The following PCDH9 variants were observed in gnomAD, a reference collection of about 807,000 sequenced individuals.
The protein encoded by PCDH9 is protocadherin 9, also known as protocadherin-9.
In PCDH9, 24 loss-of-function variants were observed where a neutral mutation model predicts 70.6. That is an observed-to-expected ratio of 0.34 (90% CI 0.25 to 0.48). PCDH9 has a LOEUF of 0.48. Among genes scored for constraint, PCDH9 ranks in the 20% least tolerant of loss-of-function variants. The pLI is 0.99. For synonymous variants in PCDH9, 562 were observed against 558.5 expected (o/e 1.01, Z -0.09); for missense variants, 1,281 against 1,503.6 (o/e 0.85, Z 2.45).
intron 2 of PCDH9, among the ~76,000 whole-genome samples, chr13:66,997,916 T>A (rs1213478927): frequency 6.6e-6 from 1 of 152,142 alleles, no homozygotes; most frequent in African/African-American, 2.4e-5. Context: ...AAATAAAAAT[T>A]CTGGGCCAGG....
chr13:66,742,879 C>T (rs1593990841), intron 3 of PCDH9, among the ~76,000 whole-genome samples: 1 of 139,684 alleles, frequency 7.2e-6, no homozygotes, highest in South Asian at 2.5e-4. Flanking sequence ...AATAGGAACA[C>T]TTTTACACTG....
chr13:66,361,029 T>C (rs1371329675), intron 4 of PCDH9, among the ~76,000 whole-genome samples: 1 of 152,248 alleles, frequency 6.6e-6, no homozygotes, highest in Non-Finnish European at 1.5e-5. Context: ...AGTGCTCTTA[T>C]ATAGCCCAAT....
rs1214849829 is a variant in PCDH9 at position 67,226,688 on chromosome 13, G to A, written c.1753C>T (p.Leu585=). The change falls in exon 2 of 5, where the codon CTG becomes TTG. Residue 585 remains leucine, a synonymous_variant. Coordinates refer to ENST00000377865, the MANE Select transcript of PCDH9 (RefSeq NM_203487.3). The surrounding 1 kb of genome is among the most constrained non-coding windows in gnomAD (Gnocchi z 5.0). ...ACCCCCACAGTACTATACTTTGGCA[G>A]ATTCTCAGACACAAAAAATTGAAAA... The part of the protein sequence containing the change: ...NHFQFFVSEN[L]PKYSTVGVIT... The A allele has an allele frequency of 2.5e-6, 4 of 1,613,894 alleles. No individual in the cohort carries two copies. In the Admixed American group the frequency reaches 5.0e-5, roughly 20 times the overall value.
At chr13:66,686,358 C>T (rs754570227) in intron 3 of PCDH9, among the ~76,000 whole-genome samples, 1 of 152,082 alleles carries the variant, frequency 6.6e-6, no homozygotes, top group South Asian at 2.1e-4. Flanking sequence ...TCCCCTTCAG[C>T]CATAATTGTA....
At chr13:66,793,695 G>C (rs1486458729) in intron 3 of PCDH9, among the ~76,000 whole-genome samples, 1 of 152,120 alleles carries the variant, frequency 6.6e-6, no homozygotes, top group Admixed American at 6.6e-5. Flanking sequence ...GAGGAAAAAA[G>C]AGTATAAGGC....
At chr13:66,486,658 T>G (rs977356221) in intron 4 of PCDH9, among the ~76,000 whole-genome samples, 1 of 148,232 alleles carries the variant, frequency 6.7e-6, no homozygotes, top group Non-Finnish European at 1.5e-5. Flanking sequence ...AAAAAAAAAG[T>G]ATTTGAGTTT....
At chr13:66,551,181 T>A (rs192257375) in intron 4 of PCDH9, among the ~76,000 whole-genome samples, 1 of 152,270 alleles carries the variant, frequency 6.6e-6, no homozygotes, top group African/African-American at 2.4e-5. Flanking sequence ...TGAGGTGATG[T>A]GTAACCTCCC....
intron 4 of PCDH9, among the ~76,000 whole-genome samples, chr13:66,412,454 G>A (rs1007370153): frequency 5.9e-5 from 9 of 152,068 alleles, no homozygotes; most frequent in East Asian, 1.9e-4. Flanking sequence ...AAGGACAGAC[G>A]GATTTTTCTA....
At chr13:66,624,488 A>G (rs779595521) in intron 4 of PCDH9, among the ~76,000 whole-genome samples, 1 of 152,264 alleles carries the variant, frequency 6.6e-6, no homozygotes, top group Non-Finnish European at 1.5e-5. Context: ...CTTAGAACAC[A>G]GAGACACTAT....
intron 3 of PCDH9, among the ~76,000 whole-genome samples, chr13:66,771,219 A>G (rs2079801581): frequency 6.6e-6 from 1 of 152,162 alleles, no homozygotes; most frequent in Admixed American, 6.6e-5. Context: ...AGTAGCTAGG[A>G]CCATAGGTGT....
chr13:67,120,850 G>T (rs918179350), intron 2 of PCDH9, among the ~76,000 whole-genome samples: 1 of 151,504 alleles, frequency 6.6e-6, no homozygotes, highest in Non-Finnish European at 1.5e-5. Context: ...TGTTGATTTT[G>T]CAATAAAGAG....
chr13:66,593,236 T>C (rs2077058843), intron 4 of PCDH9, among the ~76,000 whole-genome samples: 1 of 151,890 alleles, frequency 6.6e-6, no homozygotes, highest in East Asian at 1.9e-4. Flanking sequence ...CGGAGGACTA[T>C]TGTCATTTTG....
intron 2 of PCDH9, among the ~76,000 whole-genome samples, chr13:67,145,865 A>G (rs1446324097): frequency 6.6e-6 from 1 of 152,086 alleles, no homozygotes; most frequent in East Asian, 1.9e-4. Flanking sequence ...AAGAGATGAT[A>G]TATCTGTCAA....
chr13:66,304,677 C>A lies in PCDH9; in HGVS notation c.3692G>T (p.Ser1231Ile). Reference protein sequence around the residue: ...SYKQAGGATESPKEHQL With the variant: ...SYKQAGGATEIPKEHQL ...TTCTTAGAGTTGGTGCTCCTTAGGA[C>A]TCTCAGTAGCACCTCCTGCTTGCTT... The change falls in exon 5 of 5, where the codon AGT becomes ATT. Residue 1231 changes from serine (S) to isoleucine (I), a missense_variant. Transcript: ENST00000377865. 6.2e-7 allele frequency: 1 copy of A among 1,612,410 alleles called. No homozygotes were observed. The highest frequency in any genetic ancestry group is 8.5e-7 in the Non-Finnish European group (1 of 1,178,720).
At chr13:66,343,066 C>T (rs1431989683) in intron 4 of PCDH9, among the ~76,000 whole-genome samples, 1 of 152,104 alleles carries the variant, frequency 6.6e-6, no homozygotes, top group African/African-American at 2.4e-5. Context: ...CCCACAACAA[C>T]TTCACTGGTA....
intron 2 of PCDH9, among the ~76,000 whole-genome samples, chr13:66,954,378 C>T (rs1483228322): frequency 1.3e-5 from 2 of 151,954 alleles, no homozygotes; most frequent in Admixed American, 1.3e-4. Context: ...AAGTCCTTGG[C>T]ACAAAAACAC....
At chr13:67,206,004 ATATTTTTTG>A (rs938079136) in intron 2 of PCDH9, 3 of 151,852 alleles carry the variant, frequency 2.0e-5, no homozygotes, top group African/African-American at 4.8e-5. Flanking sequence ...CCACGCCTGG[ATATTTTTTG>A]TATTTTTTGT....
At position 66,402,482 on chromosome 13, in the gene PCDH9, A is replaced by G. The variant is rs548263097; in HGVS notation, c.3341-97454T>C. ...GGTATATAGAGTAAATGTCAGTGTA[A>G]CTTAGATTAAATATTTATATCCATC... On this transcript the variant is annotated intron_variant, in intron 4 of 4. Transcript: ENST00000377865. 8.5e-5 allele frequency among the ~76,000 whole-genome samples: 13 copies of G among 152,204 alleles called. No homozygotes were observed. In the South Asian group the frequency reaches 2.7e-3, roughly 31 times the overall value.
chr13:67,079,414 A>G (rs900995964), intron 2 of PCDH9, among the ~76,000 whole-genome samples: 17 of 152,242 alleles, frequency 1.1e-4, no homozygotes, highest in African/African-American at 3.8e-4. Flanking sequence ...CCAAATTCCT[A>G]TCTAAGGGAC....
Sources: allele counts gnomAD v4.1 joint callset (sites outside exome capture counted in the v4.1 genomes callset), GRCh38; gene constraint gnomAD v4.1.1; non-coding constraint Gnocchi (gnomAD v3.1); transcripts MANE v1.5; gene names NCBI Gene and HGNC (gene_info 2026-07-23, HGNC 2026-07-21).